Variants in PELI2 observed in about 807,000 individuals in gnomAD.
The protein encoded by PELI2 is E3 ubiquitin-protein ligase pellino homolog 2.
Under a neutral mutation model 42.3 loss-of-function variants are expected in PELI2, and 23 were observed. That is an observed-to-expected ratio of 0.54 (90% CI 0.39 to 0.77). PELI2 has a LOEUF of 0.77. Ranked by LOEUF, PELI2 falls within the 30% of genes least tolerant of loss-of-function variation. The probability of loss-of-function intolerance (pLI) is 0.00; values close to 1 mark genes in which losing one functional copy is unlikely to be tolerated. For synonymous variants in PELI2, 245 were observed against 212.2 expected (o/e 1.15, Z -1.34); for missense variants, 463 against 553.2 (o/e 0.84, Z 1.64).
At chr14:56,294,778 T>G (rs998487500) in intron 5 of PELI2, among the ~76,000 whole-genome samples, 9 of 152,208 alleles carry the variant, frequency 5.9e-5, no homozygotes, top group Non-Finnish European at 1.2e-4. Context: ...ACCGATACTC[T>G]GCACACCCTC....
At chr14:56,252,856 A>G (rs772438587) in intron 2 of PELI2, among the ~76,000 whole-genome samples, 69 of 152,296 alleles carry the variant, frequency 4.5e-4, no homozygotes, top group African/African-American at 1.4e-3. Flanking sequence ...AACTCATTCT[A>G]TGAGGCCAGC....
rs1232514752 is a variant in PELI2, at chr14:56,279,732, T to C, written c.264T>C (p.Thr88=). ...SISYTLSRNQ[T]VVVEYTHDKD... is the part of the protein sequence containing the mutation. Reference sequence around the variant, plus strand: ...CCTACACTTTGTCAAGGAATCAGACTGTGGTGGTGGAGTACACACATGATA... The same window carrying C: ...CCTACACTTTGTCAAGGAATCAGACCGTGGTGGTGGAGTACACACATGATA... Residue 88 remains threonine, a synonymous_variant, in exon 3 of 6, where the codon ACT becomes ACC. Coordinates refer to ENST00000267460, the MANE Select transcript of PELI2 (RefSeq NM_021255.3). 1 of 1,604,800 alleles carries C rather than the reference T, an allele frequency of 6.2e-7. No individual in the cohort carries two copies. Among genetic ancestry groups the C allele is most frequent in the Non-Finnish European group, 8.5e-7 (1 of 1,171,994 alleles).
intron 2 of PELI2, among the ~76,000 whole-genome samples, chr14:56,182,241 C>A (rs1885613962): frequency 6.6e-6 from 1 of 151,926 alleles, no homozygotes; most frequent in South Asian, 2.1e-4. Flanking sequence ...ATCCAGGGGT[C>A]TTGTGGGTCT....
In PELI2 at chr14:56,178,411, A is replaced by G. The variant is rs768377510; in HGVS notation, c.154A>G (p.Asn52Asp). The G allele has an allele frequency of 6.2e-7, 1 of 1,614,156 alleles. No individual in the cohort carries two copies. The highest frequency in any genetic ancestry group is 8.5e-7 in the Non-Finnish European group (1 of 1,180,014). Reference protein sequence around the residue: ...RFALYKRPKANGVKPSTVHVI... With the variant: ...RFALYKRPKADGVKPSTVHVI... The stretch of plus-strand genomic sequence containing the variant: ...TGCCCTCTACAAGCGGCCCAAGGCA[A>G]ATGGTGTCAAACCCAGCACCGTCCA... Residue 52 changes from asparagine to aspartate, a missense_variant, in exon 2 of 6, where the codon AAT (asparagine) becomes GAT (aspartate). Coordinates refer to ENST00000267460, the MANE Select transcript of PELI2 (RefSeq NM_021255.3).
intron 2 of PELI2, among the ~76,000 whole-genome samples, chr14:56,248,601 C>A (rs1389882939): frequency 1.3e-5 from 2 of 151,954 alleles, no homozygotes; most frequent in Non-Finnish European, 2.9e-5. Context: ...CATGCAGGAG[C>A]ATGGATGGGG....
Position 56,231,254 on chromosome 14 carries a change from A to G in PELI2, c.208-48422A>G, listed in dbSNP as rs560659466. ...ACTTGAACTCAGCCCTGCACCAAGC[A>G]GACCTAATAGACATCTACAGAACTC... On this transcript the variant is annotated intron_variant, in intron 2 of 5. Transcript: ENST00000267460. Among the ~76,000 whole-genome samples, 11 of 152,284 alleles carry G rather than the reference A, an allele frequency of 7.2e-5. No individual in the cohort carries two copies. In the East Asian group the frequency reaches 2.1e-3, roughly 29 times the overall value.
chr14:56,169,220 C>T (rs1885079690), intron 1 of PELI2, among the ~76,000 whole-genome samples: 1 of 152,146 alleles, frequency 6.6e-6, no homozygotes, highest in Non-Finnish European at 1.5e-5. Context: ...CCCTCCTCTC[C>T]CTGCCGCCAA....
At chr14:56,251,905 A>G (rs1033372269) in intron 2 of PELI2, among the ~76,000 whole-genome samples, 1 of 152,210 alleles carries the variant, frequency 6.6e-6, no homozygotes, top group Non-Finnish European at 1.5e-5. Flanking sequence ...ATCTAGATTG[A>G]CATGACAGCT....
intron 2 of PELI2, among the ~76,000 whole-genome samples, chr14:56,270,064 G>GC (rs1362926210): frequency 6.6e-6 from 1 of 152,186 alleles, no homozygotes; most frequent in African/African-American, 2.4e-5. Flanking sequence ...GAGCGTGCCT[G>GC]CCCCAGCCCT....
At chr14:56,224,995 A>G (rs1300419492) in intron 2 of PELI2, among the ~76,000 whole-genome samples, 3 of 151,958 alleles carry the variant, frequency 2.0e-5, no homozygotes, top group African/African-American at 4.8e-5. Context: ...GCTCTGCCTC[A>G]TTTGAAGTTC....
At chr14:56,165,338 A>G (rs1469075297) in intron 1 of PELI2, among the ~76,000 whole-genome samples, 1 of 152,142 alleles carries the variant, frequency 6.6e-6, no homozygotes, top group East Asian at 1.9e-4. Flanking sequence ...ATAGTTTCCA[A>G]AATTTCTCGT....
intron 1 of PELI2, among the ~76,000 whole-genome samples, chr14:56,172,269 T>A (rs1456771851): frequency 6.6e-6 from 1 of 152,188 alleles, no homozygotes; most frequent in East Asian, 1.9e-4. Context: ...GTCTGCTGCC[T>A]TAGCGGGGTG....
At chr14:56,155,863 C>T (rs1457855143) in intron 1 of PELI2, among the ~76,000 whole-genome samples, 7 of 152,092 alleles carry the variant, frequency 4.6e-5, no homozygotes, top group Non-Finnish European at 1.0e-4. Context: ...GGATTACAGG[C>T]GTGAGCCACT....
At chr14:56,123,144 AAG>A (rs113705339) in intron 1 of PELI2, among the ~76,000 whole-genome samples, 2,432 of 152,230 alleles carry the variant, frequency 0.016, 62 homozygotes, top group African/African-American at 0.056. Context: ...AGGTAAGACA[AAG>A]AGGGGTATAG....
chr14:56,225,183 C>T (rs1408411728), intron 2 of PELI2, among the ~76,000 whole-genome samples: 1 of 152,094 alleles, frequency 6.6e-6, no homozygotes, highest in Non-Finnish European at 1.5e-5. Flanking sequence ...AACGATGGGG[C>T]CCGTCCAGGA....
At chr14:56,250,271 C>G (rs1888300057) in intron 2 of PELI2, among the ~76,000 whole-genome samples, 1 of 152,196 alleles carries the variant, frequency 6.6e-6, no homozygotes, top group South Asian at 2.1e-4. Flanking sequence ...CCAGGTAAGT[C>G]AATACTAGAA....
intron 2 of PELI2, among the ~76,000 whole-genome samples, chr14:56,199,479 T>A (rs918069455): frequency 4.6e-5 from 7 of 152,232 alleles, no homozygotes; most frequent in African/African-American, 1.7e-4. Context: ...GAAAAACTCT[T>A]CTTTATATCA....
intron 2 of PELI2, among the ~76,000 whole-genome samples, chr14:56,256,747 A>G (rs530697470): frequency 8.7e-4 from 127 of 145,324 alleles, no homozygotes; most frequent in African/African-American, 3.1e-3. Flanking sequence ...ATAACAAAGG[A>G]TTTTATTTGC....
At chr14:56,271,373 C>T (rs544475799) in intron 2 of PELI2, among the ~76,000 whole-genome samples, 11 of 151,776 alleles carry the variant, frequency 7.2e-5, no homozygotes, top group Non-Finnish European at 1.5e-4. Flanking sequence ...TTTCCCATAC[C>T]GATTAAAATG....
Sources: allele counts gnomAD v4.1 joint callset (sites outside exome capture counted in the v4.1 genomes callset), GRCh38; gene constraint gnomAD v4.1.1; transcripts MANE v1.5; gene names NCBI Gene and HGNC (gene_info 2026-07-23, HGNC 2026-07-21).